WDR7: variants seen among roughly 807,000 people sequenced by gnomAD.
WDR7 encodes the protein WD repeat-containing protein 7.
Under a neutral mutation model 169.4 loss-of-function variants are expected in WDR7, and 46 were observed. The ratio of observed to expected loss-of-function variants is 0.27; its 90% CI spans 0.21 to 0.35. WDR7 has a LOEUF of 0.35. Among genes scored for constraint, WDR7 ranks in the 10% least tolerant of loss-of-function variants. The pLI, the probability that WDR7 is intolerant of heterozygous loss-of-function variation, is 1.00. For synonymous variants in WDR7, 612 were observed against 666.8 expected (o/e 0.92, Z 1.27); for missense variants, 1,534 against 1,859.3 (o/e 0.83, Z 3.22).
intron 20 of WDR7, among the ~76,000 whole-genome samples, chr18:56,851,263 C>T (rs950809234): frequency 2.0e-4 from 31 of 152,134 alleles, no homozygotes; most frequent in Admixed American, 2.0e-3. Flanking sequence ...GTTCTCCAAA[C>T]ATGTCTTAGT....
At chr18:56,828,385 T>C (rs1449255566) in intron 20 of WDR7, among the ~76,000 whole-genome samples, 3 of 152,174 alleles carry the variant, frequency 2.0e-5, no homozygotes, top group Non-Finnish European at 4.4e-5. Context: ...AATTTGCATA[T>C]GCATAGCTGA....
chr18:56,880,278 C>A (rs971726503), intron 21 of WDR7, 113 bp downstream of exon 21: 2 of 1,037,846 alleles, frequency 1.9e-6, no homozygotes, highest in Non-Finnish European at 2.8e-6. Flanking sequence ...AGATTGCTTG[C>A]GTGAAGTTAG....
At chr18:57,022,343 A>G (rs972689567) in intron 27 of WDR7, among the ~76,000 whole-genome samples, 1 of 152,202 alleles carries the variant, frequency 6.6e-6, no homozygotes, top group Non-Finnish European at 1.5e-5. Flanking sequence ...AGGAATATTT[A>G]TATAAAGCTC....
the WDR7 span, chr18:57,035,510 G>A: frequency 6.6e-5 from 10 of 152,418 alleles, no homozygotes; most frequent in African/African-American, 2.4e-4. Context: ...GGAGACTGCT[G>A]GAGCAGGTAT....
Position 57,027,354 on chromosome 18 carries a change from A to G in WDR7, c.*147A>G. ...CACGGCCGGGTCTTGTCACTTGTGCATGCTTCTCAGGGGCAGAACCCGCTC... is the reference window on the plus strand; with the variant it reads ...CACGGCCGGGTCTTGTCACTTGTGCGTGCTTCTCAGGGGCAGAACCCGCTC... On this transcript the variant is annotated 3_prime_UTR_variant, in exon 28 of 28. Transcript: ENST00000254442. 1 of 1,005,214 alleles carries G rather than the reference A, an allele frequency of 9.9e-7. No individual in the cohort carries two copies. The highest frequency in any genetic ancestry group is 1.4e-6 in the Non-Finnish European group (1 of 697,070). 62.3% of individuals were successfully genotyped at this position (1,005,214 alleles called of 1,614,324 possible).
Position 56,939,300 on chromosome 18 carries a change from T to C in WDR7, c.3982-11T>C, listed in dbSNP as rs769897635. On this transcript the variant is annotated splice_polypyrimidine_tract_variant and intron_variant, in intron 24 of 27. Transcript: ENST00000254442. ...TGAAATTAATTTTAAATCTGTTCTT[T>C]TCTGTCAAAGGTTATGGACATCATT... The C allele has an allele frequency of 6.7e-7, 1 of 1,500,114 alleles. No homozygotes were observed. The highest frequency in any genetic ancestry group is 2.4e-5 in the East Asian group (1 of 41,294). 92.9% of individuals were successfully genotyped at this position (1,500,114 alleles called of 1,614,324 possible).
intron 1 of WDR7, among the ~76,000 whole-genome samples, chr18:56,657,111 C>T (rs1399540630): frequency 4.0e-5 from 6 of 151,060 alleles, no homozygotes; most frequent in Admixed American, 2.6e-4. Flanking sequence ...GCCTTTATTC[C>T]TGGGTTTATC....
At chr18:56,693,719 G>A (rs561763396) in intron 9 of WDR7, among the ~76,000 whole-genome samples, 71 of 151,480 alleles carry the variant, frequency 4.7e-4, no homozygotes, top group African/African-American at 1.6e-3. Context: ...TTACAGGCAC[G>A]CACCACCACA....
chr18:56,720,610 A>G (rs1472422915), intron 13 of WDR7, among the ~76,000 whole-genome samples: 1 of 152,182 alleles, frequency 6.6e-6, no homozygotes, highest in Non-Finnish European at 1.5e-5. Flanking sequence ...ATACTTGAAT[A>G]TTTCAGATAC....
intron 21 of WDR7, among the ~76,000 whole-genome samples, chr18:56,901,801 G>A (rs2046405856): frequency 1.3e-5 from 2 of 152,030 alleles, no homozygotes; most frequent in Non-Finnish European, 2.9e-5. Flanking sequence ...AATAGAAAAG[G>A]CAACCTAGTT....
chr18:56,983,065 A>G (rs2047668298), intron 26 of WDR7, among the ~76,000 whole-genome samples: 1 of 152,210 alleles, frequency 6.6e-6, no homozygotes, highest in Non-Finnish European at 1.5e-5. Flanking sequence ...TGGAAGGTCT[A>G]AAATTAAATA....
chr18:56,719,415 A>G (rs575448212), intron 13 of WDR7, among the ~76,000 whole-genome samples: 1 of 152,208 alleles, frequency 6.6e-6, no homozygotes, highest in Non-Finnish European at 1.5e-5. Flanking sequence ...ACAAAAAATT[A>G]GCCGGGCATG....
At chr18:56,687,745 G>C (rs1209085146) in intron 7 of WDR7, among the ~76,000 whole-genome samples, 1 of 152,084 alleles carries the variant, frequency 6.6e-6, no homozygotes, top group Non-Finnish European at 1.5e-5. Flanking sequence ...TCCCACCTCA[G>C]CCTCCTGAGT....
chr18:57,010,518 G>A (rs1221135462), intron 26 of WDR7, among the ~76,000 whole-genome samples: 1 of 149,680 alleles, frequency 6.7e-6, no homozygotes, highest in South Asian at 2.1e-4. Flanking sequence ...AAGTTGTACA[G>A]TACAAACATA....
intron 21 of WDR7, among the ~76,000 whole-genome samples, chr18:56,882,070 G>A (rs1380391383): frequency 2.6e-5 from 4 of 152,064 alleles, no homozygotes; most frequent in Non-Finnish European, 4.4e-5. Context: ...CTCCCTCTAC[G>A]GCCAACAACT....
chr18:56,879,494 T>C (rs73436752), intron 20 of WDR7, among the ~76,000 whole-genome samples: 1 of 152,334 alleles, frequency 6.6e-6, no homozygotes, highest in South Asian at 2.1e-4. Context: ...ATAATTTTTA[T>C]TAGATAGGTG....
chr18:56,694,153 G>A (rs1440087215), intron 9 of WDR7, among the ~76,000 whole-genome samples: 1 of 152,078 alleles, frequency 6.6e-6, no homozygotes, highest in Non-Finnish European at 1.5e-5. Flanking sequence ...ATGAGCCACT[G>A]TTCCCTAATT....
intron 26 of WDR7, among the ~76,000 whole-genome samples, chr18:57,011,203 C>A (rs1055833918): frequency 6.7e-6 from 1 of 149,542 alleles, no homozygotes; most frequent in African/African-American, 2.6e-5. Context: ...AATATATAAC[C>A]CCCCCACAGA....
intron 19 of WDR7, among the ~76,000 whole-genome samples, chr18:56,809,660 T>C (rs2044835704): frequency 6.6e-6 from 1 of 152,142 alleles, no homozygotes. Flanking sequence ...GCTAAGCTTT[T>C]TGTAGCAGGG....
Sources: gnomAD v4.1 joint callset for allele counts (sites outside exome capture counted in the v4.1 genomes callset) on GRCh38, gnomAD v4.1.1 for gene constraint, MANE v1.5 for transcripts, NCBI Gene and HGNC (gene_info 2026-07-23, HGNC 2026-07-21) for gene names.